Variants in LRRC3B observed in about 807,000 individuals in gnomAD.
The protein encoded by LRRC3B is leucine-rich repeat-containing protein 3B.
A neutral mutation model predicts 12.8 loss-of-function variants in LRRC3B; 2 were observed. That is an observed-to-expected ratio of 0.16 (90% CI 0.06 to 0.49). The LOEUF (loss-of-function observed/expected upper bound fraction) is 0.49. Ranked by LOEUF, LRRC3B falls within the 20% of genes least tolerant of loss-of-function variation. The pLI is 0.96. For synonymous variants in LRRC3B, 132 were observed against 122.0 expected (o/e 1.08, Z -0.54); for missense variants, 189 against 319.4 (o/e 0.59, Z 3.11).
chr3:26,691,865 G>A (rs1364682487), intron 1 of LRRC3B, among the ~76,000 whole-genome samples: 4 of 152,206 alleles, frequency 2.6e-5, no homozygotes, highest in African/African-American at 4.8e-5. Context: ...ATTTATGTCA[G>A]TTCTGTTTCA....
intron 1 of LRRC3B, among the ~76,000 whole-genome samples, chr3:26,678,115 C>T (rs918669484): frequency 3.3e-5 from 5 of 152,194 alleles, no homozygotes; most frequent in African/African-American, 1.2e-4. Flanking sequence ...CCACGTCCAA[C>T]CAACACTGGT....
At chr3:26,706,557 A>C (rs1010045311) in intron 1 of LRRC3B, among the ~76,000 whole-genome samples, 2 of 152,234 alleles carry the variant, frequency 1.3e-5, no homozygotes, top group African/African-American at 4.8e-5. Context: ...GTTCACAAGC[A>C]TTACATCCAG....
chr3:26,677,504 C>A (rs998540328), intron 1 of LRRC3B, among the ~76,000 whole-genome samples: 1 of 152,170 alleles, frequency 6.6e-6, no homozygotes, highest in Non-Finnish European at 1.5e-5. Context: ...GGCTGGCAGG[C>A]TTGTATGTGA....
rs1428470259 is a variant in LRRC3B, at chr3:26,685,519, CTCTCTATA to C, written c.-160-23992_-160-23985del. Among the ~76,000 whole-genome samples the C allele has an allele frequency of 4.5e-3, 216 of 47,726 alleles. 1 individual carries two copies. Among genetic ancestry groups the C allele is most frequent in the African/African-American group, 0.014 (147 of 10,494 alleles). 31.3% of individuals were successfully genotyped at this position (47,726 alleles called of 152,430 possible). A position where few individuals can be genotyped will look rare whatever the true frequency, so the allele number is the denominator to read the frequency against. On this transcript the variant is annotated intron_variant, in intron 1 of 1. Transcript: ENST00000396641. Reference sequence around the variant, plus strand: ...TCTCTCTCTCTCTCTCTCTCTCTCTCTCTCTATATATATATATATATATATATATATAT... The same window carrying C: ...TCTCTCTCTCTCTCTCTCTCTCTCTCTATATATATATATATATATATATAT...
At chr3:26,623,968 A>T (rs1481775841) in intron 1 of LRRC3B, 1 of 152,316 alleles carries the variant, frequency 6.6e-6, no homozygotes, top group African/African-American at 2.4e-5. Context: ...ATGAAAAGGT[A>T]CTGCTAATGT....
chr3:26,657,277 C>T (rs573291037), intron 1 of LRRC3B, among the ~76,000 whole-genome samples: 11 of 152,126 alleles, frequency 7.2e-5, no homozygotes, highest in African/African-American at 1.2e-4. Context: ...CCTTTAATGC[C>T]TATAAACTCT....
intron 1 of LRRC3B, among the ~76,000 whole-genome samples, chr3:26,686,603 G>T (rs919140100): frequency 6.6e-6 from 1 of 151,998 alleles, no homozygotes; most frequent in African/African-American, 2.4e-5. Flanking sequence ...TAAATATTCA[G>T]CTCAGAAAAA....
intron 1 of LRRC3B, among the ~76,000 whole-genome samples, chr3:26,688,437 A>G (rs1350449306): frequency 1.3e-5 from 2 of 152,202 alleles, no homozygotes; most frequent in Non-Finnish European, 2.9e-5. Context: ...AATACCTGAG[A>G]CTGGGTCATT....
At chr3:26,684,101 G>A (rs115907839) in intron 1 of LRRC3B, among the ~76,000 whole-genome samples, 447 of 152,254 alleles carry the variant, frequency 2.9e-3, no homozygotes, top group Non-Finnish European at 5.2e-3. Flanking sequence ...TCAGGATCAC[G>A]GTTGGATGAA....
intron 1 of LRRC3B, among the ~76,000 whole-genome samples, chr3:26,636,633 A>G (rs1698878120): frequency 6.6e-6 from 1 of 152,144 alleles, no homozygotes; most frequent in African/African-American, 2.4e-5. Context: ...AACAGGACAC[A>G]ATTTCTAAAA....
chr3:26,698,825 T>C (rs190356706), intron 1 of LRRC3B, among the ~76,000 whole-genome samples: 118 of 152,278 alleles, frequency 7.7e-4, no homozygotes, highest in Non-Finnish European at 1.3e-3. Context: ...ACCTCCATTC[T>C]ACTCATATCA....
At chr3:26,649,324 T>C (rs955042202) in intron 1 of LRRC3B, among the ~76,000 whole-genome samples, 2 of 152,198 alleles carry the variant, frequency 1.3e-5, no homozygotes, top group African/African-American at 4.8e-5. Context: ...AAACTACCAT[T>C]GGGGTTCTAA....
At chr3:26,672,613 T>C (rs1699771517) in intron 1 of LRRC3B, among the ~76,000 whole-genome samples, 2 of 152,208 alleles carry the variant, frequency 1.3e-5, no homozygotes, top group Non-Finnish European at 2.9e-5. Flanking sequence ...CCATTTTTAT[T>C]GTTAAACGTA....
At chr3:26,703,051 A>G (rs1228456322) in intron 1 of LRRC3B, among the ~76,000 whole-genome samples, 1 of 152,128 alleles carries the variant, frequency 6.6e-6, no homozygotes, top group African/African-American at 2.4e-5. Context: ...TGAAGAAGTT[A>G]TTATCTCCAA....
chr3:26,700,363 A>G (rs1191717370), intron 1 of LRRC3B, among the ~76,000 whole-genome samples: 1 of 152,108 alleles, frequency 6.6e-6, no homozygotes, highest in Non-Finnish European at 1.5e-5. Flanking sequence ...CCAGGAAAAG[A>G]GATATAGAAA....
At chr3:26,690,548 A>G (rs1442790915) in intron 1 of LRRC3B, among the ~76,000 whole-genome samples, 2 of 152,150 alleles carry the variant, frequency 1.3e-5, no homozygotes. Context: ...CTAAGTCCCT[A>G]GGTAGCTGTT....
At chr3:26,680,475 T>TC (rs2125440911) in intron 1 of LRRC3B, among the ~76,000 whole-genome samples, 1 of 152,326 alleles carries the variant, frequency 6.6e-6, no homozygotes, top group Admixed American at 6.5e-5. Context: ...ACTGTAAATT[T>TC]CCCCAAGGTG....
At chr3:26,678,236 G>A (rs1338965867) in intron 1 of LRRC3B, among the ~76,000 whole-genome samples, 2 of 151,316 alleles carry the variant, frequency 1.3e-5, no homozygotes, top group Non-Finnish European at 2.9e-5. Flanking sequence ...GATCATGCCT[G>A]TAATCCCAGC....
At chr3:26,701,329 G>C (rs1700448527) in intron 1 of LRRC3B, 1 of 152,010 alleles carries the variant, frequency 6.6e-6, no homozygotes, top group African/African-American at 2.4e-5. Context: ...TGCTCAGGAG[G>C]TAGAATTAAT....
Sources: allele counts gnomAD v4.1 joint callset (sites outside exome capture counted in the v4.1 genomes callset), GRCh38; gene constraint gnomAD v4.1.1; transcripts MANE v1.5; gene names NCBI Gene and HGNC (gene_info 2026-07-23, HGNC 2026-07-21).